FTO: variants seen among roughly 807,000 people sequenced by gnomAD.
FTO encodes the protein alpha-ketoglutarate-dependent dioxygenase FTO.
In FTO, 47 loss-of-function variants were observed where a neutral mutation model predicts 63.9. The ratio of observed to expected loss-of-function variants is 0.74; its 90% CI spans 0.58 to 0.94. The LOEUF (loss-of-function observed/expected upper bound fraction) is 0.94, where lower values mean the gene tolerates loss of function less well. Ranked by LOEUF, FTO falls within the 40% of genes least tolerant of loss-of-function variation. FTO has a pLI of 0.00. For missense variants in FTO, 562 were observed against 618.1 expected (o/e 0.91, Z 0.96); for synonymous variants, 207 against 224.4 (o/e 0.92, Z 0.69).
chr16:53,716,513 G>A (rs905947600), intron 1 of FTO, among the ~76,000 whole-genome samples: 10 of 152,002 alleles, frequency 6.6e-5, no homozygotes, highest in Admixed American at 2.6e-4. Flanking sequence ...CTGTAAAATG[G>A]GGATCATAAT....
chr16:53,707,469 A>G (rs571524878), intron 1 of FTO, among the ~76,000 whole-genome samples: 1 of 152,182 alleles, frequency 6.6e-6, no homozygotes, highest in Non-Finnish European at 1.5e-5. Flanking sequence ...GGTTACATTC[A>G]CACGTGCCGG....
chr16:53,787,323 TA>T (rs1364638520), intron 1 of FTO, among the ~76,000 whole-genome samples: 4 of 151,170 alleles, frequency 2.6e-5, no homozygotes, highest in Non-Finnish European at 5.9e-5. Context: ...AGCAGGTTAA[TA>T]GGTTCTTCTT....
At position 54,120,830 on chromosome 16, in the gene FTO, G is replaced by T. The variant is rs1372568335; in HGVS notation, c.*8915G>T. 1 of 152,132 alleles carries T rather than the reference G, an allele frequency of 6.6e-6. No homozygotes were observed. Among genetic ancestry groups the T allele is most frequent in the African/African-American group, 2.4e-5 (1 of 41,422 alleles). The allele number at this position is 152,132 out of a possible 1,614,324, so 9.4% of individuals were successfully genotyped here. ...CCTTTGTTACTCTAGAAAACAGTGT[G>T]TGTGCTATTGTTTTCTCCATAGGTC... On this transcript the variant is annotated 3_prime_UTR_variant, in exon 9 of 9. Coordinates refer to ENST00000471389, the MANE Select transcript of FTO (RefSeq NM_001080432.3).
chr16:53,891,131 CAG>C (rs898043299), intron 7 of FTO, among the ~76,000 whole-genome samples: 14 of 151,860 alleles, frequency 9.2e-5, no homozygotes, highest in African/African-American at 3.1e-4. Flanking sequence ...GCTGGGATAA[CAG>C]GGGCCCGCCA....
intron 8 of FTO, among the ~76,000 whole-genome samples, chr16:53,954,562 T>G (rs2082876471): frequency 6.6e-6 from 1 of 152,032 alleles, no homozygotes; most frequent in Admixed American, 6.6e-5. Context: ...GACATAAAAC[T>G]TAGGTGCAGA....
chr16:54,110,703 A>T (rs1287061062), intron 8 of FTO, among the ~76,000 whole-genome samples: 1 of 152,236 alleles, frequency 6.6e-6, no homozygotes, highest in Non-Finnish European at 1.5e-5. Flanking sequence ...TCAGAAGACA[A>T]ATAGTGAGCA....
intron 1 of FTO, among the ~76,000 whole-genome samples, chr16:53,735,171 G>A (rs1350267703): frequency 6.6e-6 from 1 of 152,140 alleles, no homozygotes; most frequent in East Asian, 1.9e-4. Context: ...ACTGGCCAAG[G>A]GATATGGCCT....
chr16:53,844,093 T>G, intron 3 of FTO, 62 bp from the exon 4 acceptor site: 1 of 1,314,706 alleles, frequency 7.6e-7, no homozygotes, highest in Non-Finnish European at 1.1e-6. Flanking sequence ...AAATAACAAT[T>G]ATAAAATTCA....
At chr16:54,096,536 C>T (rs138260075) in intron 8 of FTO, among the ~76,000 whole-genome samples, 20 of 152,280 alleles carry the variant, frequency 1.3e-4, no homozygotes, top group African/African-American at 1.7e-4. Context: ...GGTTCTTTGG[C>T]GAGAGTGAAA....
chr16:54,089,588 G>T (rs557629936), intron 8 of FTO, among the ~76,000 whole-genome samples: 53 of 152,122 alleles, frequency 3.5e-4, no homozygotes, highest in African/African-American at 1.2e-3. Flanking sequence ...CTACCAAGGT[G>T]AAAAAAATAG....
At chr16:53,963,682 G>T (rs1314345175) in intron 8 of FTO, among the ~76,000 whole-genome samples, 1 of 152,162 alleles carries the variant, frequency 6.6e-6, no homozygotes, top group Non-Finnish European at 1.5e-5. Context: ...AGTTTCCTGA[G>T]GCCTCCCCAG....
At chr16:53,984,227 C>T (rs1054470568) in intron 8 of FTO, among the ~76,000 whole-genome samples, 2 of 151,028 alleles carry the variant, frequency 1.3e-5, no homozygotes, top group South Asian at 4.2e-4. Flanking sequence ...GAAAAGTTTA[C>T]AGGGCATAAC....
At chr16:53,933,131 C>A (rs935468906) in intron 7 of FTO, among the ~76,000 whole-genome samples, 1 of 152,198 alleles carries the variant, frequency 6.6e-6, no homozygotes, top group African/African-American at 2.4e-5. Context: ...CTGTCAAATG[C>A]TATCAAAGAG....
At chr16:53,884,993 G>A (rs2080961474) in intron 6 of FTO, among the ~76,000 whole-genome samples, 1 of 152,182 alleles carries the variant, frequency 6.6e-6, no homozygotes, top group Admixed American at 6.5e-5. Flanking sequence ...TGTTAGCTAT[G>A]AGCATCCTTT....
At chr16:54,109,960 C>A (rs72809683) in intron 8 of FTO, among the ~76,000 whole-genome samples, 1 of 152,116 alleles carries the variant, frequency 6.6e-6, no homozygotes, top group Non-Finnish European at 1.5e-5. Context: ...AATAACTTTC[C>A]CTACCCAGTA....
chr16:54,084,396 C>A (rs2086216218), intron 8 of FTO, among the ~76,000 whole-genome samples: 1 of 152,136 alleles, frequency 6.6e-6, no homozygotes, highest in Admixed American at 6.5e-5. Context: ...GGCCTACGTA[C>A]AGATTGCTAT....
At chr16:54,013,926 A>G (rs2084381479) in intron 8 of FTO, among the ~76,000 whole-genome samples, 1 of 152,202 alleles carries the variant, frequency 6.6e-6, no homozygotes, top group South Asian at 2.1e-4. Context: ...GTGTGCCTGT[A>G]TAAGATTCTC....
intron 1 of FTO, among the ~76,000 whole-genome samples, chr16:53,743,003 T>A (rs941477565): frequency 6.6e-6 from 1 of 152,156 alleles, no homozygotes; most frequent in Non-Finnish European, 1.5e-5. Flanking sequence ...TTCTGCACAC[T>A]CCATGATGTG....
Position 53,741,646 on chromosome 16 carries a change from G to A in FTO, c.45+37417G>A, listed in dbSNP as rs374798046. ...CCCAAGAAGGTCATTGAGGAACCAG[G>A]ATCTTTCCAGTGTCCTCTTCTGCCA... is the stretch of plus-strand genomic sequence containing the variant. On this transcript the variant is annotated intron_variant, in intron 1 of 8. Transcript: ENST00000471389. Among the ~76,000 whole-genome samples the A allele has an allele frequency of 2.1e-3, 320 of 152,268 alleles. 1 individual carries two copies. Among genetic ancestry groups the A allele is most frequent in the African/African-American group, 7.4e-3 (309 of 41,536 alleles).
Sources: gnomAD v4.1 joint callset for allele counts (sites outside exome capture counted in the v4.1 genomes callset) on GRCh38, gnomAD v4.1.1 for gene constraint, MANE v1.5 for transcripts, NCBI Gene and HGNC (gene_info 2026-07-23, HGNC 2026-07-21) for gene names.